Variants in KYAT1 observed in about 807,000 individuals in gnomAD.
KYAT1 encodes kynurenine aminotransferase 1, also known as kynurenine--oxoglutarate transaminase 1.
KYAT1 carries 47 observed loss-of-function variants against 52.4 expected under a neutral mutation model. The ratio of observed to expected loss-of-function variants is 0.90; its 90% CI spans 0.71 to 1.14. KYAT1 has a LOEUF of 1.14. KYAT1 is among the 50% of genes most tolerant of loss of function. The pLI is 0.00. For missense variants in KYAT1, 480 were observed against 557.9 expected (o/e 0.86, Z 1.41); for synonymous variants, 212 against 209.6 (o/e 1.01, Z -0.10).
At chr9:128,865,880 G>C (rs1836298298) in intron 1 of KYAT1, among the ~76,000 whole-genome samples, 1 of 152,136 alleles carries the variant, frequency 6.6e-6, no homozygotes, top group African/African-American at 2.4e-5. Flanking sequence ...CATCCTAATA[G>C]GCTGGCTCTT....
chr9:128,836,050 G>A lies in KYAT1; in HGVS notation c.712C>T (p.Arg238Trp), dbSNP rs529489908. ...CCGGCGCTGCCGATGGTCAGGGTCC[G>A]TTCCCACATGCCAGGGAGGCTGGCT... ...SIASLPGMWE[R>W]TLTIGSAGKT... is the part of the protein sequence containing the mutation. Residue 238 changes from arginine to tryptophan, a missense_variant, in exon 8 of 13, where the codon CGG becomes TGG. Transcript: ENST00000302586. The A allele has an allele frequency of 5.5e-5, 88 of 1,613,916 alleles. No individual in the cohort carries two copies. Among genetic ancestry groups the A allele is most frequent in the South Asian group, 1.2e-4 (11 of 91,080 alleles).
At chr9:128,861,040 T>C (rs1835397829) in intron 1 of KYAT1, among the ~76,000 whole-genome samples, 1 of 152,216 alleles carries the variant, frequency 6.6e-6, no homozygotes, top group African/African-American at 2.4e-5. Context: ...CACATTCTGT[T>C]GGAACAATGG....
chr9:128,836,215 T>C, intron 7 of KYAT1, 142 bp from the exon 8 acceptor site: 1 of 577,790 alleles, frequency 1.7e-6, no homozygotes. Flanking sequence ...CAATTTTTTT[T>C]CTTTCTTTCT....
At chr9:128,872,816 T>TAATC (rs931529150) in intron 1 of KYAT1, among the ~76,000 whole-genome samples, 1 of 138,548 alleles carries the variant, frequency 7.2e-6, no homozygotes, top group Admixed American at 7.2e-5. Context: ...CTCAGGCCTG[T>TAATC]AATCCTAGAA....
chr9:128,877,581 AG>A (rs899208008), intron 1 of KYAT1, among the ~76,000 whole-genome samples: 3 of 152,206 alleles, frequency 2.0e-5, no homozygotes, highest in Non-Finnish European at 4.4e-5. Flanking sequence ...TAGGGCTGAC[AG>A]GAGACCACCA....
chr9:128,837,703 G>A lies in KYAT1; in HGVS notation c.549C>T (p.Pro183=), dbSNP rs761489130. 4 of 1,614,148 alleles carry A rather than the reference G, an allele frequency of 2.5e-6. No homozygotes were observed. Among genetic ancestry groups the A allele is most frequent in the Non-Finnish European group, 3.4e-6 (4 of 1,180,020 alleles). The change falls in exon 6 of 13, where the codon CCC becomes CCT. Residue 183 remains proline, a synonymous_variant. Coordinates refer to ENST00000302586, the MANE Select transcript of KYAT1 (RefSeq NM_004059.5). The part of the protein sequence containing the change: ...SRTKALVLNT[P]NNPLGKVFSR... ...CCAGTACCTTGCCCAGGGGGTTGTT[G>A]GGGGTGTTGAGGACCAGGGCTTTGG...
At chr9:128,872,692 G>C (rs543153743) in intron 1 of KYAT1, among the ~76,000 whole-genome samples, 3 of 151,838 alleles carry the variant, frequency 2.0e-5, no homozygotes, top group Admixed American at 6.6e-5. Context: ...GCTTGAACTC[G>C]GGAGGCGGAG....
chr9:128,838,013 A>G, intron 5 of KYAT1, 38 bp downstream of exon 5: 2 of 1,601,316 alleles, frequency 1.2e-6, no homozygotes, highest in South Asian at 1.1e-5. Flanking sequence ...CACGCCTTGG[A>G]TCCCTCTGCC....
At chr9:128,881,444 A>T (rs1390277401) in intron 1 of KYAT1, among the ~76,000 whole-genome samples, 1 of 152,124 alleles carries the variant, frequency 6.6e-6, no homozygotes, top group Non-Finnish European at 1.5e-5. Flanking sequence ...ACCCTACATT[A>T]GTGCATATTA....
intron 1 of KYAT1, among the ~76,000 whole-genome samples, chr9:128,867,702 G>A (rs970451962): frequency 1.3e-5 from 2 of 152,208 alleles, no homozygotes; most frequent in African/African-American, 4.8e-5. Context: ...ATTGCTTTTA[G>A]CAGTCTGACG....
rs1456478102 is a variant in KYAT1 at position 128,835,849 on chromosome 9, G to A, written c.785C>T (p.Pro262Leu). ...CCGCAGGTGCTTCATGATGTGATCT[G>A]GACCCAGGACCCAGCCCACCTGCAG... ...TGWKVGWVLG[P>L]DHIMKHLRTV... The change falls in exon 9 of 13, where the codon CCA becomes CTA. Residue 262 changes from proline to leucine, a missense_variant. Pro to Leu is a moderately conservative substitution (Grantham distance 98). Coordinates refer to ENST00000302586, the MANE Select transcript of KYAT1 (RefSeq NM_004059.5). The A allele has an allele frequency of 6.2e-7, 1 of 1,613,976 alleles. No individual in the cohort carries two copies. Among genetic ancestry groups the A allele is most frequent in the East Asian group, 2.2e-5 (1 of 44,874 alleles).
At chr9:128,842,558 C>T (rs1406913523) in intron 3 of KYAT1, 96 bp downstream of exon 3, 1 of 1,255,380 alleles carries the variant, frequency 8.0e-7, no homozygotes, top group African/African-American at 1.5e-5. Flanking sequence ...TCCCCTGGCT[C>T]TGTCCCCTGA....
At chr9:128,865,350 TATATATA>T in intron 1 of KYAT1, among the ~76,000 whole-genome samples, 4 of 3,764 alleles carry the variant, frequency 1.1e-3, no homozygotes, top group African/African-American at 1.1e-3. Context: ...TATATATATA[TATATATA>T]TATTTTTTTT....
chr9:128,840,454 T>C (rs1564456157), intron 3 of KYAT1, among the ~76,000 whole-genome samples: 1 of 152,176 alleles, frequency 6.6e-6, no homozygotes, highest in Non-Finnish European at 1.5e-5. Flanking sequence ...TCTCACCATG[T>C]TGGGCAGGCT....
intron 3 of KYAT1, among the ~76,000 whole-genome samples, chr9:128,839,890 G>A (rs894557730): frequency 6.6e-6 from 1 of 150,816 alleles, no homozygotes; most frequent in Admixed American, 6.6e-5. Flanking sequence ...TGTCTCTACT[G>A]ATGGAAAATC....
chr9:128,858,588 C>A (rs1319062368), intron 1 of KYAT1, among the ~76,000 whole-genome samples: 1 of 150,788 alleles, frequency 6.6e-6, no homozygotes, highest in East Asian at 2.0e-4. Flanking sequence ...ATCCCAGCTA[C>A]TTGGAAGGCT....
intron 1 of KYAT1, among the ~76,000 whole-genome samples, chr9:128,865,338 TATATATA>T (rs1564491660): frequency 7.4e-3 from 16 of 2,168 alleles, no homozygotes; most frequent in Admixed American, 0.014. Flanking sequence ...TATATATATA[TATATATA>T]TATATATATA....
Position 128,835,464 on chromosome 9 carries a change from C to G in KYAT1, c.1042+17G>C. On this transcript the variant is annotated intron_variant, in intron 10 of 12. Transcript: ENST00000302586. ...TCCAGCCCCTGCGCCCTGCCCAGAC[C>G]GGCAAGTCTCACTCACTGAAGTCTG... 2 of 1,613,764 alleles carry G rather than the reference C, an allele frequency of 1.2e-6. No individual in the cohort carries two copies. The highest frequency in any genetic ancestry group is 1.1e-5 in the South Asian group (1 of 91,068).
chr9:128,847,289 A>G (rs1475770965), intron 1 of KYAT1: 6 of 598,454 alleles, frequency 1.0e-5, no homozygotes, highest in Non-Finnish European at 1.5e-5. Context: ...AAGCAGGGGC[A>G]AGGGAGAAGC....
Sources: allele counts gnomAD v4.1 joint callset (sites outside exome capture counted in the v4.1 genomes callset), GRCh38; gene constraint gnomAD v4.1.1; transcripts MANE v1.5; gene names NCBI Gene and HGNC (gene_info 2026-07-23, HGNC 2026-07-21).